FGF13: variants seen among roughly 807,000 people sequenced by gnomAD.
The protein encoded by FGF13 is fibroblast growth factor 13.
A neutral mutation model predicts 19.5 loss-of-function variants in FGF13; 2 were observed. The observed-to-expected ratio is 0.10, with a 90% CI of 0.04 to 0.32. The LOEUF (loss-of-function observed/expected upper bound fraction) is 0.32, where lower values mean the gene tolerates loss of function less well. Ranked by LOEUF, FGF13 falls within the 10% of genes least tolerant of loss-of-function variation. FGF13 has a pLI of 1.00. For synonymous variants in FGF13, 72 were observed against 76.9 expected (o/e 0.94, Z 0.33); for missense variants, 113 against 192.7 (o/e 0.59, Z 2.45).
intron 1 of FGF13, among the ~76,000 whole-genome samples, chrX:138,957,742 A>G (rs1462436943): frequency 9.0e-6 from 1 of 111,731 alleles, no homozygotes; most frequent in Non-Finnish European, 1.9e-5. Flanking sequence ...CATCCCTTGT[A>G]AATAGGATTC....
At chrX:138,653,648 G>A (rs1193811215) in intron 3 of FGF13, among the ~76,000 whole-genome samples, 1 of 111,127 alleles carries the variant, frequency 9.0e-6, no homozygotes, top group South Asian at 3.8e-4. Flanking sequence ...ACCTGGGATG[G>A]CTTAGCCAGG....
intron 1 of FGF13, among the ~76,000 whole-genome samples, chrX:138,897,059 G>C (rs1323907125): frequency 4.5e-5 from 5 of 111,706 alleles, no homozygotes; most frequent in African/African-American, 9.8e-5. Context: ...ACCTAGGCTG[G>C]GGTGCAGTGG....
chrX:138,736,099 T>C (rs2090272494), intron 1 of FGF13, among the ~76,000 whole-genome samples: 1 of 112,237 alleles, frequency 8.9e-6, no homozygotes, highest in Non-Finnish European at 1.9e-5. Context: ...TTTTCTCCCA[T>C]GAGACTGGTA....
intron 1 of FGF13, among the ~76,000 whole-genome samples, chrX:138,946,898 T>C (rs2091784274): frequency 8.9e-6 from 1 of 111,958 alleles, no homozygotes; most frequent in Non-Finnish European, 1.9e-5. Context: ...ACTTCCAAAG[T>C]TTGGGAACAA....
At chrX:138,853,608 T>TGC (rs1569411649), downstream of FGF13, among the ~76,000 whole-genome samples, 1 of 87,603 alleles carries the variant, frequency 1.1e-5, no homozygotes, top group African/African-American at 4.3e-5. Flanking sequence ...AATGTGTGTG[T>TGC]GTGTGCGTGT....
chrX:139,196,540 T>C (rs73634015), intron 1 of FGF13, among the ~76,000 whole-genome samples: 10,214 of 111,843 alleles, frequency 0.091, 964 homozygotes, highest in African/African-American at 0.29. Flanking sequence ...AGCAACCATG[T>C]ATTTAGTATA....
At chrX:138,928,548 A>G (rs1425007467) in intron 1 of FGF13, among the ~76,000 whole-genome samples, 2 of 110,727 alleles carry the variant, frequency 1.8e-5, no homozygotes, top group Non-Finnish European at 3.8e-5. Flanking sequence ...GACCCCACCC[A>G]GGGGTGCCCT....
intron 1 of FGF13, among the ~76,000 whole-genome samples, chrX:139,040,695 TACTAG>T (rs1157424784): frequency 9.0e-6 from 1 of 110,988 alleles, no homozygotes; most frequent in African/African-American, 3.3e-5. Flanking sequence ...GTAATCCTAT[TACTAG>T]GTATACACCT....
At chrX:138,782,108 AC>A (rs1354809944) in intron 3 of FGF13, among the ~76,000 whole-genome samples, 5 of 111,742 alleles carry the variant, frequency 4.5e-5, no homozygotes, top group African/African-American at 9.8e-5. Flanking sequence ...AAATTCAACA[AC>A]CCTTCATGCT....
rs186299008 is a variant in FGF13, at chrX:138,655,816, C to T, written c.403-20161G>A. ...TTTGGAGCATAATTGCTAATATTAACGCTTTGCATCTATTCATAGAAAATA... is the reference window on the plus strand; with the variant it reads ...TTTGGAGCATAATTGCTAATATTAATGCTTTGCATCTATTCATAGAAAATA... On this transcript the variant is annotated intron_variant, in intron 3 of 4. Coordinates refer to ENST00000315930, the MANE Select transcript of FGF13 (RefSeq NM_004114.5). Among the ~76,000 whole-genome samples the T allele has an allele frequency of 7.1e-5, 8 of 111,905 alleles. 1 individual carries two copies. The highest frequency in any genetic ancestry group is 3.8e-4 in the Admixed American group (4 of 10,520).
chrX:139,053,858 T>G (rs774205074), intron 1 of FGF13, among the ~76,000 whole-genome samples: 1 of 111,546 alleles, frequency 9.0e-6, no homozygotes, highest in Non-Finnish European at 1.9e-5. Context: ...GTTTTTCCAA[T>G]GCTATCTTCT....
At chrX:139,009,816 T>C (rs928560312) in intron 1 of FGF13, among the ~76,000 whole-genome samples, 2 of 111,462 alleles carry the variant, frequency 1.8e-5, no homozygotes, top group African/African-American at 6.5e-5. Context: ...AATACTAACA[T>C]TGAATGTAAT....
chrX:138,896,930 A>C (rs1454174048), intron 1 of FGF13, among the ~76,000 whole-genome samples: 1 of 111,684 alleles, frequency 9.0e-6, no homozygotes, highest in Non-Finnish European at 1.9e-5. Context: ...TGAGCACCTA[A>C]ATCCTGGATC....
At chrX:138,800,569 G>A (rs1435577461) in intron 3 of FGF13, among the ~76,000 whole-genome samples, 3 of 111,141 alleles carry the variant, frequency 2.7e-5, no homozygotes, top group African/African-American at 6.6e-5. Flanking sequence ...TGCTCTTCTC[G>A]AGGAGTATCT....
At chrX:139,092,226 C>T (rs959542361) in intron 1 of FGF13, among the ~76,000 whole-genome samples, 1 of 112,236 alleles carries the variant, frequency 8.9e-6, no homozygotes, top group African/African-American at 3.2e-5. Context: ...AGTCCCAACT[C>T]ACACCCATCT....
At chrX:139,131,728 C>A (rs189002182) in intron 1 of FGF13, among the ~76,000 whole-genome samples, 13 of 111,214 alleles carry the variant, frequency 1.2e-4, no homozygotes, top group African/African-American at 3.6e-4. Flanking sequence ...CAGAGCATGA[C>A]CCTGTCTCAA....
chrX:138,747,522 G>A (rs944971623), intron 3 of FGF13, among the ~76,000 whole-genome samples: 5 of 111,776 alleles, frequency 4.5e-5, no homozygotes, highest in South Asian at 3.8e-4. Flanking sequence ...TTTTATGTGA[G>A]AAACTCCGGA....
intron 3 of FGF13, among the ~76,000 whole-genome samples, chrX:138,829,537 T>A (rs1329521755): frequency 9.0e-6 from 1 of 111,607 alleles, no homozygotes; most frequent in African/African-American, 3.3e-5. Context: ...GGCAGAACTC[T>A]GAGCCAAATA....
intron 3 of FGF13, among the ~76,000 whole-genome samples, chrX:138,670,494 T>G (rs2089599749): frequency 8.9e-6 from 1 of 112,191 alleles, no homozygotes; most frequent in South Asian, 3.7e-4. Flanking sequence ...ATGTTATTCA[T>G]CTTTTAAAAC....
Sources: gnomAD v4.1 joint callset for allele counts (sites outside exome capture counted in the v4.1 genomes callset) on GRCh38, gnomAD v4.1.1 for gene constraint, MANE v1.5 for transcripts, NCBI Gene and HGNC (gene_info 2026-07-23, HGNC 2026-07-21) for gene names.